The following NRG1 variants were observed in gnomAD, a reference collection of about 807,000 sequenced individuals.
NRG1 encodes the protein neuregulin 1.
A neutral mutation model predicts 63.8 loss-of-function variants in NRG1; 18 were observed. That is an observed-to-expected ratio of 0.28 (90% CI 0.19 to 0.42). NRG1 has a LOEUF of 0.42. Ranked by LOEUF, NRG1 falls within the 10% of genes least tolerant of loss-of-function variation. NRG1 has a pLI of 1.00. For synonymous variants in NRG1, 302 were observed against 301.3 expected (o/e 1.00, Z -0.02); for missense variants, 762 against 814.7 (o/e 0.94, Z 0.79).
intron 1 of NRG1, among the ~76,000 whole-genome samples, chr8:32,483,759 C>A (rs1259479786): frequency 6.6e-6 from 1 of 152,152 alleles, no homozygotes; most frequent in Middle Eastern, 3.2e-3. Flanking sequence ...AACAACTTTA[C>A]CCCTTTCACA....
At chr8:31,951,762 C>T (rs1465230568) in intron 1 of NRG1, among the ~76,000 whole-genome samples, 1 of 152,192 alleles carries the variant, frequency 6.6e-6, no homozygotes, top group East Asian at 1.9e-4. Flanking sequence ...TCGAAGTTCC[C>T]TTCTTCAAAC....
rs1053923157 is a variant in NRG1 at position 32,630,820 on chromosome 8, C to G, written c.502+13935C>G. On this transcript the variant is annotated intron_variant, in intron 5 of 11. Coordinates refer to ENST00000356819, the Ensembl canonical transcript of NRG1. ...AGCCTCTTGTGCTGTGGTGTAAATT[C>G]CAACTGACTGACGATAATTAAACAG... Among the ~76,000 whole-genome samples, 7 of 150,582 alleles carry G rather than the reference C, an allele frequency of 4.6e-5. No individual in the cohort carries two copies. In the South Asian group the frequency reaches 1.3e-3, roughly 27 times the overall value.
chr8:32,136,491 A>G (rs1255834069), intron 1 of NRG1, among the ~76,000 whole-genome samples: 1 of 152,180 alleles, frequency 6.6e-6, no homozygotes, highest in Non-Finnish European at 1.5e-5. Flanking sequence ...CAGATCCTTC[A>G]CTACTCTTCA....
At chr8:32,352,501 G>A (rs763978877) in intron 1 of NRG1, among the ~76,000 whole-genome samples, 1 of 152,086 alleles carries the variant, frequency 6.6e-6, no homozygotes, top group African/African-American at 2.4e-5. Flanking sequence ...TTTTCTCACT[G>A]GGCAAGCAAT....
In NRG1 at chr8:32,317,412, A is replaced by T. The variant is rs539518382; in HGVS notation, c.38-278416A>T. 4.6e-5 allele frequency among the ~76,000 whole-genome samples: 7 copies of T among 152,346 alleles called. No homozygotes were observed. In the South Asian group the frequency reaches 1.4e-3, roughly 32 times the overall value. On this transcript the variant is annotated intron_variant, in intron 1 of 10. Transcript: ENST00000519301. ...GTTTCTTTCTTTTGGGATCACAATC[A>T]GAACATAGGCATCATTGAAACAAAG...
In NRG1 at chr8:32,176,511, A is replaced by G. The variant is rs545653358; in HGVS notation, c.38-419317A>G. 4.7e-4 allele frequency among the ~76,000 whole-genome samples: 71 copies of G among 152,348 alleles called. No homozygotes were observed. The South Asian group carries it at 5.2e-3, about 11-fold the overall frequency. ...TTAAACTAAAGAGCTTCTGCACAGC[A>G]AAAGAAACTACCATCAGAGTAAACA... On this transcript the variant is annotated intron_variant, in intron 1 of 10. Coordinates refer to the NRG1 transcript ENST00000519301.
intron 1 of NRG1, among the ~76,000 whole-genome samples, chr8:31,961,816 A>T (rs998399904): frequency 6.6e-6 from 1 of 152,180 alleles, no homozygotes; most frequent in African/African-American, 2.4e-5. Context: ...CAAATGACTA[A>T]ATCTTTTAAT....
chr8:32,526,651 TTCTCC>T (rs747235342), intron 1 of NRG1, among the ~76,000 whole-genome samples: 1 of 152,184 alleles, frequency 6.6e-6, no homozygotes, highest in Non-Finnish European at 1.5e-5. Context: ...TACAGTCCAC[TTCTCC>T]TGTCAAGGTC....
intron 1 of NRG1, among the ~76,000 whole-genome samples, chr8:31,923,761 G>GA (rs1402389349): frequency 6.6e-6 from 1 of 151,750 alleles, no homozygotes; most frequent in African/African-American, 2.4e-5. Context: ...TTGCTACACT[G>GA]ATGTATTTTG....
chr8:32,145,620 C>G (rs560306205), intron 1 of NRG1, among the ~76,000 whole-genome samples: 17 of 152,162 alleles, frequency 1.1e-4, no homozygotes, highest in Non-Finnish European at 2.2e-4. Flanking sequence ...TGTGTCTACC[C>G]CAGAGGATGT....
intron 5 of NRG1, among the ~76,000 whole-genome samples, chr8:32,664,817 G>C (rs757770301): frequency 3.3e-5 from 5 of 152,122 alleles, no homozygotes; most frequent in Admixed American, 1.3e-4. Context: ...TTAGATTAAT[G>C]AATCTCTGAG....
At chr8:32,541,901 T>TGATG (rs1832615534) in intron 1 of NRG1, among the ~76,000 whole-genome samples, 2 of 152,308 alleles carry the variant, frequency 1.3e-5, no homozygotes, top group South Asian at 4.1e-4. Context: ...GGGTGTCACT[T>TGATG]GATGAAATGA....
chr8:31,692,444 A>C (rs934082196), intron 1 of NRG1, among the ~76,000 whole-genome samples: 5 of 152,234 alleles, frequency 3.3e-5, no homozygotes, highest in African/African-American at 1.2e-4. Context: ...TTTATATTCT[A>C]GGTTAAACAG....
intron 1 of NRG1, among the ~76,000 whole-genome samples, chr8:31,827,929 C>G (rs1303986924): frequency 6.6e-6 from 1 of 152,176 alleles, no homozygotes; most frequent in Non-Finnish European, 1.5e-5. Context: ...ATTAGTCTTA[C>G]CTCAGGGTTT....
intron 1 of NRG1, among the ~76,000 whole-genome samples, chr8:32,316,909 T>C (rs1457043697): frequency 2.0e-5 from 3 of 152,138 alleles, no homozygotes; most frequent in African/African-American, 4.8e-5. Flanking sequence ...TGTGGTGGAA[T>C]AGGTACTTTC....
chr8:32,211,948 G>A lies in NRG1; in HGVS notation c.38-383880G>A, dbSNP rs114520345. 7.0e-3 allele frequency among the ~76,000 whole-genome samples: 1,058 copies of A among 152,120 alleles called. 16 individuals are homozygous for A. Among genetic ancestry groups the A allele is most frequent in the African/African-American group, 0.025 (1,018 of 41,502 alleles). On this transcript the variant is annotated intron_variant, in intron 1 of 10. Coordinates refer to the NRG1 transcript ENST00000519301. ...CAATTATATCTTTAGTCCATTGATG[G>A]CTGTGCCTTTTAAATAATGAAAAGT...
chr8:31,676,238 T>C (rs1274267242), intron 1 of NRG1, among the ~76,000 whole-genome samples: 5 of 152,102 alleles, frequency 3.3e-5, no homozygotes, highest in African/African-American at 1.2e-4. Context: ...TGCTCAAAGA[T>C]AGTCTGAATA....
At chr8:32,022,128 C>A (rs1816547846) in intron 1 of NRG1, among the ~76,000 whole-genome samples, 1 of 152,118 alleles carries the variant, frequency 6.6e-6, no homozygotes, top group Non-Finnish European at 1.5e-5. Context: ...TACTAAAGGG[C>A]ATTTAATCTC....
chr8:32,479,428 G>T (rs1824945584), intron 1 of NRG1, among the ~76,000 whole-genome samples: 1 of 152,046 alleles, frequency 6.6e-6, no homozygotes, highest in Non-Finnish European at 1.5e-5. Context: ...AGTGAGCCGA[G>T]ATCGTACCAC....
Sources: allele counts gnomAD v4.1 joint callset (sites outside exome capture counted in the v4.1 genomes callset), GRCh38; gene constraint gnomAD v4.1.1; transcripts MANE v1.5; gene names NCBI Gene and HGNC (gene_info 2026-07-23, HGNC 2026-07-21).